BANK1: variants seen among roughly 807,000 people sequenced by gnomAD.
BANK1 encodes B cell scaffold protein with ankyrin repeats 1, also known as B-cell scaffold protein with ankyrin repeats.
A neutral mutation model predicts 94.5 loss-of-function variants in BANK1; 95 were observed. That is an observed-to-expected ratio of 1.00 (90% CI 0.85 to 1.19). The LOEUF (loss-of-function observed/expected upper bound fraction) is 1.19, where lower values mean the gene tolerates loss of function less well. BANK1 is among the 50% of genes most tolerant of loss of function. The probability of loss-of-function intolerance (pLI) is 0.00; values close to 1 mark genes in which losing one functional copy is unlikely to be tolerated. For synonymous variants in BANK1, 334 were observed against 308.4 expected (o/e 1.08, Z -0.87); for missense variants, 987 against 932.2 (o/e 1.06, Z -0.77).
chr4:101,927,714 C>T (rs189742533), intron 7 of BANK1, among the ~76,000 whole-genome samples: 10 of 151,416 alleles, frequency 6.6e-5, no homozygotes, highest in African/African-American at 1.5e-4. Flanking sequence ...TTGGTAGAAG[C>T]GGAGGATGGA....
intron 7 of BANK1, among the ~76,000 whole-genome samples, chr4:101,924,802 A>G (rs912788615): frequency 1.3e-5 from 2 of 151,798 alleles, no homozygotes; most frequent in African/African-American, 2.4e-5. Flanking sequence ...TTCTCGAATA[A>G]GCATAATGTA....
intron 7 of BANK1, among the ~76,000 whole-genome samples, chr4:102,006,258 A>G (rs1260060042): frequency 6.6e-6 from 1 of 152,008 alleles, no homozygotes; most frequent in East Asian, 1.9e-4. Context: ...GACCTTAAGT[A>G]TTTGTTTTTA....
chr4:101,870,767 A>G lies in BANK1; in HGVS notation c.903+123A>G, dbSNP rs911102543. The G allele has an allele frequency of 3.4e-6, 4 of 1,163,552 alleles. No homozygotes were observed. In the African/African-American group the frequency reaches 6.3e-5, roughly 18 times the overall value. The allele number at this position is 1,163,552 out of a possible 1,614,324, so 72.1% of individuals were successfully genotyped here. ...GAATAACAGTGAATTACTACCAATC[A>G]ATAGGAAGGGAAGAGGCAACCTCTG... On this transcript the variant is annotated intron_variant, in intron 5 of 16. Transcript: ENST00000322953.
At chr4:101,830,679 A>G (rs940011639) in intron 2 of BANK1, among the ~76,000 whole-genome samples, 1 of 152,206 alleles carries the variant, frequency 6.6e-6, no homozygotes, top group Admixed American at 6.5e-5. Context: ...GGTCCCATTA[A>G]TTAATTAATT....
chr4:101,806,761 G>A (rs1390132833), intron 1 of BANK1, among the ~76,000 whole-genome samples: 4 of 152,208 alleles, frequency 2.6e-5, no homozygotes, highest in African/African-American at 9.6e-5. Flanking sequence ...TAGACTAAAG[G>A]CCCCATAATC....
chr4:101,918,969 T>TG (rs560404821), intron 7 of BANK1, among the ~76,000 whole-genome samples: 33 of 152,096 alleles, frequency 2.2e-4, no homozygotes, highest in Admixed American at 5.3e-4. Flanking sequence ...ACTAATTTTT[T>TG]GTCTTATGTC....
intron 7 of BANK1, among the ~76,000 whole-genome samples, chr4:101,954,297 C>G (rs75245666): frequency 0.025 from 3,781 of 152,174 alleles, 63 homozygotes; most frequent in Non-Finnish European, 0.037. Context: ...GGAATTAGGA[C>G]TCCAGCATAC....
intron 7 of BANK1, among the ~76,000 whole-genome samples, chr4:102,007,077 TA>T (rs1726293382): frequency 1.3e-5 from 1 of 75,876 alleles, no homozygotes; most frequent in Admixed American, 1.4e-4. Flanking sequence ...TTTATATATA[TA>T]TAAATATATA....
intron 7 of BANK1, among the ~76,000 whole-genome samples, chr4:102,015,203 A>C (rs1482471071): frequency 5.3e-5 from 8 of 152,022 alleles, no homozygotes; most frequent in Non-Finnish European, 7.4e-5. Flanking sequence ...TTTATAAAGG[A>C]ATATAGCAAT....
At chr4:101,955,866 T>A (rs1441238779) in intron 7 of BANK1, among the ~76,000 whole-genome samples, 2 of 152,234 alleles carry the variant, frequency 1.3e-5, no homozygotes, top group African/African-American at 4.8e-5. Context: ...CACTGTTTTT[T>A]ACTCTGTAAA....
chr4:102,004,975 C>T (rs974058348), intron 7 of BANK1, among the ~76,000 whole-genome samples: 6 of 152,010 alleles, frequency 3.9e-5, no homozygotes, highest in African/African-American at 1.4e-4. Flanking sequence ...ACATAGACAT[C>T]ATTTTGGCTC....
intron 1 of BANK1, among the ~76,000 whole-genome samples, chr4:101,797,936 C>T (rs889382764): frequency 6.6e-6 from 1 of 152,010 alleles, no homozygotes; most frequent in African/African-American, 2.4e-5. Flanking sequence ...AGGATAGAGA[C>T]CTGTGGAAAA....
intron 1 of BANK1, among the ~76,000 whole-genome samples, chr4:101,826,504 AT>A (rs1323823497): frequency 6.6e-6 from 1 of 152,098 alleles, no homozygotes; most frequent in East Asian, 1.9e-4. Flanking sequence ...TATTAATTTT[AT>A]TTATACTCCT....
chr4:101,999,768 G>A (rs1403104210), intron 7 of BANK1, among the ~76,000 whole-genome samples: 1 of 152,166 alleles, frequency 6.6e-6, no homozygotes, highest in Non-Finnish European at 1.5e-5. Context: ...CTTGGAGGGG[G>A]AAAGGAGATT....
chr4:101,973,418 C>G (rs933286960), intron 7 of BANK1, among the ~76,000 whole-genome samples: 6 of 151,984 alleles, frequency 3.9e-5, no homozygotes, highest in Admixed American at 6.6e-5. Context: ...GTAAGTTGCT[C>G]AAAGCCATAC....
intron 7 of BANK1, among the ~76,000 whole-genome samples, chr4:101,952,452 C>G (rs1168944487): frequency 6.6e-6 from 1 of 152,040 alleles, no homozygotes; most frequent in Non-Finnish European, 1.5e-5. Flanking sequence ...AATAGATTCT[C>G]TGCTGTCAAT....
rs751086447 is a variant in BANK1, at chr4:101,795,035, TTGGAATTCCA to T, written c.70+4087_70+4096del. Among the ~76,000 whole-genome samples, 1,336 of 142,680 alleles carry T rather than the reference TTGGAATTCCA, an allele frequency of 9.4e-3. 13 individuals are homozygous for T. The highest frequency in any genetic ancestry group is 0.025 in the Middle Eastern group (7 of 276). 93.6% of individuals were successfully genotyped at this position (142,680 alleles called of 152,430 possible). A position where few individuals can be genotyped will look rare whatever the true frequency, so the allele number is the denominator to read the frequency against. On this transcript the variant is annotated intron_variant, in intron 1 of 16. Coordinates refer to ENST00000322953, the MANE Select transcript of BANK1 (RefSeq NM_017935.5). The stretch of plus-strand genomic sequence containing the variant: ...GAAAAGTATAAGAACAGTCTCTGAC[TTGGAATTCCA>T]TTTACTATATGCCTCATTTTTTTTT...
chr4:101,892,083 A>T (rs923894200), intron 5 of BANK1, among the ~76,000 whole-genome samples: 4 of 151,794 alleles, frequency 2.6e-5, no homozygotes, highest in African/African-American at 9.7e-5. Flanking sequence ...TTCTACTGAA[A>T]GTTGGACATT....
intron 7 of BANK1, among the ~76,000 whole-genome samples, chr4:101,967,621 A>G (rs1560657595): frequency 1.3e-5 from 2 of 151,980 alleles, no homozygotes; most frequent in Non-Finnish European, 2.9e-5. Context: ...TACTGAAAAA[A>G]CGATGCTCTG....
Sources: allele counts gnomAD v4.1 joint callset (sites outside exome capture counted in the v4.1 genomes callset), GRCh38; gene constraint gnomAD v4.1.1; transcripts MANE v1.5; gene names NCBI Gene and HGNC (gene_info 2026-07-23, HGNC 2026-07-21).